CHCHD3: variants seen among roughly 807,000 people sequenced by gnomAD.
CHCHD3 encodes the protein coiled-coil-helix-coiled-coil-helix domain containing 3, also known as MICOS complex subunit MIC19.
CHCHD3 carries 20 observed loss-of-function variants against 38.2 expected under a neutral mutation model. The observed-to-expected ratio is 0.52, with a 90% confidence interval of 0.37 to 0.76. The LOEUF (loss-of-function observed/expected upper bound fraction) is 0.76, where lower values mean the gene tolerates loss of function less well. Ranked by LOEUF, CHCHD3 falls within the 30% of genes least tolerant of loss-of-function variation. The pLI, the probability that CHCHD3 is intolerant of heterozygous loss-of-function variation, is 0.00. For synonymous variants in CHCHD3, 82 were observed against 100.0 expected (o/e 0.82, Z 1.07); for missense variants, 245 against 279.2 (o/e 0.88, Z 0.87).
intron 4 of CHCHD3, among the ~76,000 whole-genome samples, chr7:132,892,683 T>C (rs1471270451): frequency 1.3e-5 from 2 of 152,158 alleles, no homozygotes; most frequent in East Asian, 1.9e-4. Flanking sequence ...AGGGCACTGC[T>C]GCTGTGTGCA....
rs1051884767 is a variant in CHCHD3 at position 133,072,840 on chromosome 7, A to C, written c.82-2611T>G. ...GACTCCGTCTCAAAAAAAAAAAAAA[A>C]AGATCCCACTCAAACATCCCTCAGC... On this transcript the variant is annotated intron_variant, in intron 1 of 7. Coordinates refer to ENST00000262570, the MANE Select transcript of CHCHD3 (RefSeq NM_017812.4). Among the ~76,000 whole-genome samples, 50 of 151,224 alleles carry C rather than the reference A, an allele frequency of 3.3e-4. 1 individual carries two copies. Among genetic ancestry groups the C allele is most frequent in the Non-Finnish European group, 4.7e-4 (32 of 67,740 alleles).
At chr7:132,970,491 C>T (rs1314302422) in intron 4 of CHCHD3, among the ~76,000 whole-genome samples, 1 of 152,170 alleles carries the variant, frequency 6.6e-6, no homozygotes, top group Admixed American at 6.5e-5. Context: ...AAGACAAAGT[C>T]CTGGCTTTCC....
chr7:132,887,711 A>G (rs754871150), intron 4 of CHCHD3, among the ~76,000 whole-genome samples: 20 of 151,812 alleles, frequency 1.3e-4, no homozygotes, highest in Non-Finnish European at 2.8e-4. Flanking sequence ...ACCCAACCCC[A>G]CATCAAATCA....
At chr7:133,065,870 C>T (rs1814653480) in intron 2 of CHCHD3, among the ~76,000 whole-genome samples, 1 of 152,078 alleles carries the variant, frequency 6.6e-6, no homozygotes, top group Non-Finnish European at 1.5e-5. Context: ...TTCAAAATAG[C>T]ATGCCAAATT....
chr7:133,025,642 T>C (rs989486572), intron 2 of CHCHD3, among the ~76,000 whole-genome samples: 2 of 152,144 alleles, frequency 1.3e-5, no homozygotes, highest in South Asian at 2.1e-4. Flanking sequence ...GTAGCTGGGA[T>C]TACAGACATG....
chr7:132,865,740 C>T (rs932570966), intron 5 of CHCHD3, among the ~76,000 whole-genome samples: 1 of 151,936 alleles, frequency 6.6e-6, no homozygotes, highest in African/African-American at 2.4e-5. Context: ...AGGCAGCCCC[C>T]GAGCTTCTAC....
intron 4 of CHCHD3, among the ~76,000 whole-genome samples, chr7:132,936,456 G>A (rs914464557): frequency 6.6e-6 from 1 of 152,308 alleles, no homozygotes; most frequent in South Asian, 2.1e-4. Context: ...GACACAGCAA[G>A]GTCAGGGAGC....
chr7:132,828,634 A>G (rs1164497985), intron 6 of CHCHD3, among the ~76,000 whole-genome samples: 2 of 152,320 alleles, frequency 1.3e-5, no homozygotes, highest in African/African-American at 4.8e-5. Flanking sequence ...AATACAATGT[A>G]TCCTGAAAGT....
intron 4 of CHCHD3, among the ~76,000 whole-genome samples, chr7:132,949,531 T>C (rs953332488): frequency 2.0e-5 from 3 of 152,178 alleles, no homozygotes; most frequent in African/African-American, 7.2e-5. Flanking sequence ...AATGCAAAAA[T>C]GTACGAGATG....
rs116469476 is a variant in CHCHD3 at position 133,016,580 on chromosome 7, T to A, written c.251+7966A>T. On this transcript the variant is annotated intron_variant, in intron 3 of 7. Coordinates refer to ENST00000262570, the MANE Select transcript of CHCHD3 (RefSeq NM_017812.4). ...GAAAAGAAGGGGGTAAGGTTATTAT[T>A]TGAACAGGAAACGGTGCCAATGTTT... 9.2e-3 allele frequency among the ~76,000 whole-genome samples: 1,406 copies of A among 152,326 alleles called. 23 individuals carry two copies. Among genetic ancestry groups the A allele is most frequent in the African/African-American group, 0.032 (1,325 of 41,556 alleles).
At position 132,939,910 on chromosome 7, in the gene CHCHD3, G is replaced by C. The variant is rs1015690647; in HGVS notation, c.369+35259C>G. 5.3e-5 allele frequency among the ~76,000 whole-genome samples: 8 copies of C among 152,156 alleles called. 1 individual carries two copies. Among genetic ancestry groups the C allele is most frequent in the African/African-American group, 1.9e-4 (8 of 41,454 alleles). ...CCCGGAGCCTATCAACTAATAAACA[G>C]TCCCTACGGACATATTCTTTTGAGT... On this transcript the variant is annotated intron_variant, in intron 4 of 7. Coordinates refer to ENST00000262570, the MANE Select transcript of CHCHD3 (RefSeq NM_017812.4).
chr7:132,865,327 A>ATCAT (rs1808591900), intron 5 of CHCHD3, among the ~76,000 whole-genome samples: 2 of 152,180 alleles, frequency 1.3e-5, no homozygotes, highest in Non-Finnish European at 2.9e-5. Context: ...ATCATGGGGA[A>ATCAT]GAGGTTGGAG....
chr7:132,980,982 T>C lies in CHCHD3; in HGVS notation c.252-5696A>G, dbSNP rs540303946. On this transcript the variant is annotated intron_variant, in intron 3 of 7. Transcript: ENST00000262570. ...ATAAGGGAGGCATTACTAGCTCTAG[T>C]TTTTTTGTTTTTTGTTTTTTTGAAA... 7.2e-5 allele frequency among the ~76,000 whole-genome samples: 11 copies of C among 152,222 alleles called. No homozygotes were observed. In the South Asian group the frequency reaches 2.3e-3, roughly 32 times the overall value.
chr7:132,887,821 G>A (rs181878344), intron 4 of CHCHD3, among the ~76,000 whole-genome samples: 1 of 151,762 alleles, frequency 6.6e-6, no homozygotes, highest in African/African-American at 2.4e-5. Flanking sequence ...TAAGAAAATA[G>A]GCTCTCCTAT....
intron 1 of CHCHD3, among the ~76,000 whole-genome samples, chr7:133,077,927 T>C (rs550972878): frequency 8.1e-4 from 123 of 152,154 alleles, no homozygotes; most frequent in African/African-American, 2.8e-3. Context: ...TAACACCTGG[T>C]AGGTGAGAAG....
chr7:132,843,071 T>C (rs771737080), intron 5 of CHCHD3, among the ~76,000 whole-genome samples: 3 of 152,226 alleles, frequency 2.0e-5, no homozygotes, highest in Non-Finnish European at 4.4e-5. Context: ...GGAATCTCAC[T>C]CTTTCGCCCA....
intron 2 of CHCHD3, among the ~76,000 whole-genome samples, chr7:133,032,365 G>C (rs1017830511): frequency 1.3e-5 from 2 of 152,138 alleles, no homozygotes; most frequent in East Asian, 1.9e-4. Context: ...ATGGTAGAAT[G>C]AAAGTTCTGC....
intron 2 of CHCHD3, among the ~76,000 whole-genome samples, chr7:133,038,899 C>T (rs370598884): frequency 2.6e-5 from 4 of 152,170 alleles, no homozygotes; most frequent in Non-Finnish European, 5.9e-5. Flanking sequence ...GAAAATATAA[C>T]TTCAACTGTA....
chr7:133,035,718 C>G lies in CHCHD3; in HGVS notation c.170-11091G>C. 2 of 1,613,422 alleles carry G rather than the reference C, an allele frequency of 1.2e-6. No individual in the cohort carries two copies. The highest frequency in any genetic ancestry group is 1.7e-6 in the Non-Finnish European group (2 of 1,179,404). ...GGCAATGGCGTTGCTCTCAAACACA[C>G]AGAATCCATCATCACCCTCAAATGC... On this transcript the variant is annotated intron_variant, in intron 2 of 7. Transcript: ENST00000262570. This position sits in a 1 kb window ranked among gnomAD's most constrained non-coding sequence, Gnocchi z 4.7.
Sources: gnomAD v4.1 joint callset for allele counts (sites outside exome capture counted in the v4.1 genomes callset) on GRCh38, gnomAD v4.1.1 for gene constraint, Gnocchi (gnomAD v3.1) non-coding constraint, MANE v1.5 for transcripts, NCBI Gene and HGNC (gene_info 2026-07-23, HGNC 2026-07-21) for gene names.